Variants in MLLT10 observed in about 807,000 individuals in gnomAD.
The protein encoded by MLLT10 is MLLT10 histone lysine methyltransferase DOT1L cofactor, also known as protein AF-10.
In MLLT10, 30 loss-of-function variants were observed where a neutral mutation model predicts 129.1. The observed-to-expected ratio is 0.23, with a 90% confidence interval of 0.17 to 0.32. MLLT10 has a LOEUF of 0.32. Ranked by LOEUF, MLLT10 falls within the 10% of genes least tolerant of loss-of-function variation. The probability of loss-of-function intolerance (pLI) is 1.00; values close to 1 mark genes in which losing one functional copy is unlikely to be tolerated. For missense variants in MLLT10, 1,119 were observed against 1,268.3 expected, an observed-to-expected ratio of 0.88 and a Z score of 1.79; for synonymous variants, 490 against 446.4, an observed-to-expected ratio of 1.10 and a Z score of -1.23.
intron 8 of MLLT10, chr10:21,625,671 T>C (rs2046359855): frequency 1.3e-6 from 1 of 764,198 alleles, no homozygotes; most frequent in South Asian, 1.3e-5. Context: ...GTGTTTTCTT[T>C]AGTCTTATTC....
At chr10:21,551,311 T>C (rs1403022438) in intron 3 of MLLT10, among the ~76,000 whole-genome samples, 1 of 149,978 alleles carries the variant, frequency 6.7e-6, no homozygotes, top group African/African-American at 2.5e-5. Flanking sequence ...TTTTTTTTTT[T>C]TTTTTACATA....
At chr10:21,692,144 A>T (rs187852595) in intron 13 of MLLT10, among the ~76,000 whole-genome samples, 18 of 152,094 alleles carry the variant, frequency 1.2e-4, no homozygotes, top group African/African-American at 3.9e-4. Flanking sequence ...ACTGCACTCC[A>T]GCCTGGGTGA....
chr10:21,729,678 C>T (rs1378052190), intron 16 of MLLT10, among the ~76,000 whole-genome samples: 3 of 152,200 alleles, frequency 2.0e-5, no homozygotes, highest in African/African-American at 2.4e-5. Flanking sequence ...ACTAAAACTC[C>T]GTCCTGTTTC....
chr10:21,577,732 A>C (rs1336998736), intron 3 of MLLT10, among the ~76,000 whole-genome samples: 1 of 151,974 alleles, frequency 6.6e-6, no homozygotes, highest in African/African-American at 2.4e-5. Flanking sequence ...TAGCCTCCCA[A>C]AGTGCTGGGA....
intron 4 of MLLT10, among the ~76,000 whole-genome samples, chr10:21,588,159 C>T (rs1283840905): frequency 2.0e-5 from 3 of 152,174 alleles, no homozygotes; most frequent in South Asian, 2.1e-4. Context: ...CTCCACCTTC[C>T]GGGCTCAAGC....
Position 21,546,524 on chromosome 10 carries a change from C to T in MLLT10, c.240+7612C>T, listed in dbSNP as rs562999747. On this transcript the variant is annotated intron_variant, in intron 3 of 22. Coordinates refer to ENST00000307729, the MANE Select transcript of MLLT10 (RefSeq NM_001195626.3). ...GGTTCAAGCGATTCTCCTGCCTCAG[C>T]CTCCCGAGTAGCTGAGACTGCAGGC... 6.6e-5 allele frequency among the ~76,000 whole-genome samples: 10 copies of T among 151,902 alleles called. No individual in the cohort carries two copies. In the East Asian group the frequency reaches 1.7e-3, roughly 26 times the overall value.
chr10:21,557,183 C>T (rs2038141790), intron 3 of MLLT10: 1 of 1,308,898 alleles, frequency 7.6e-7, no homozygotes, highest in Admixed American at 3.7e-5. Context: ...TTCACTTCTT[C>T]AAATGCCTAC....
intron 8 of MLLT10, among the ~76,000 whole-genome samples, chr10:21,645,246 A>G (rs907630591): frequency 6.6e-6 from 1 of 152,134 alleles, no homozygotes; most frequent in African/African-American, 2.4e-5. Flanking sequence ...TAATGCATGA[A>G]TATCTGCCCC....
At chr10:21,690,137 G>C (rs1407129738) in intron 13 of MLLT10, among the ~76,000 whole-genome samples, 1 of 152,036 alleles carries the variant, frequency 6.6e-6, no homozygotes, top group Non-Finnish European at 1.5e-5. Context: ...GGGTAGAGAA[G>C]ACAGAAAGAG....
At chr10:21,674,327 C>G (rs2051833237) in intron 11 of MLLT10, among the ~76,000 whole-genome samples, 1 of 151,352 alleles carries the variant, frequency 6.6e-6, no homozygotes. Context: ...TTTCTCTAAA[C>G]TTCAATTTTA....
intron 5 of MLLT10, among the ~76,000 whole-genome samples, chr10:21,598,230 C>G (rs1044202578): frequency 2.6e-5 from 4 of 152,120 alleles, no homozygotes; most frequent in Admixed American, 2.6e-4. Flanking sequence ...GGGTCATATT[C>G]CACTAATGTC....
At chr10:21,661,493 C>T (rs2050199141) in intron 9 of MLLT10, 1 of 152,096 alleles carries the variant, frequency 6.6e-6, no homozygotes, top group African/African-American at 2.4e-5. Flanking sequence ...GTATTAACAC[C>T]TTTATCTTAT....
intron 3 of MLLT10, among the ~76,000 whole-genome samples, chr10:21,561,182 T>G (rs1254877614): frequency 6.6e-6 from 1 of 152,174 alleles, no homozygotes; most frequent in African/African-American, 2.4e-5. Context: ...TCAAATTTAG[T>G]GCAGTGAAGA....
At chr10:21,661,422 C>T (rs1564600152) in intron 9 of MLLT10, among the ~76,000 whole-genome samples, 1 of 152,150 alleles carries the variant, frequency 6.6e-6, no homozygotes, top group Admixed American at 6.6e-5. Flanking sequence ...GTTTTTGCTT[C>T]ATATATTTTG....
At chr10:21,683,560 G>A (rs1243969142) in intron 13 of MLLT10, among the ~76,000 whole-genome samples, 1 of 152,178 alleles carries the variant, frequency 6.6e-6, no homozygotes, top group Non-Finnish European at 1.5e-5. Context: ...TGGGAGCAAT[G>A]TAATGGATTT....
In MLLT10 at chr10:21,673,685, G is replaced by A; in HGVS notation, c.1387G>A (p.Val463Ile). 2 of 1,614,116 alleles carry A rather than the reference G, an allele frequency of 1.2e-6. No individual in the cohort carries two copies. The highest frequency in any genetic ancestry group is 8.5e-7 in the Non-Finnish European group (1 of 1,180,004). ...AACTTCTGGCATAGAAGAAGAAACT[G>A]TAAAGGAAAAGAAAAGGAAAGGAAA... ...AQTSGIEEETVKEKKRKGNKQ... is the reference protein window; with the variant it reads ...AQTSGIEEETIKEKKRKGNKQ... Residue 463 changes from valine to isoleucine, a missense_variant, in exon 11 of 23, where the codon GTA becomes ATA. By Grantham distance (29) the Val-to-Ile change is conservative. Around this residue, in one of 5 missense-constraint regions of MLLT10, gnomAD observed 1,004 missense variants for 1,008.7 expected, o/e 1.00. Coordinates refer to ENST00000307729, the MANE Select transcript of MLLT10 (RefSeq NM_001195626.3).
intron 13 of MLLT10, among the ~76,000 whole-genome samples, chr10:21,689,011 AC>A (rs2053566165): frequency 6.6e-6 from 1 of 152,182 alleles, no homozygotes. Flanking sequence ...ACTGTTAACC[AC>A]TTGAAGTATG....
At chr10:21,559,982 T>G (rs1401248571) in intron 3 of MLLT10, among the ~76,000 whole-genome samples, 3 of 152,098 alleles carry the variant, frequency 2.0e-5, no homozygotes, top group Non-Finnish European at 2.9e-5. Context: ...GGAATGAAGT[T>G]GCTGGATCAC....
chr10:21,590,277 A>G lies in MLLT10; in HGVS notation c.295+3929A>G, dbSNP rs368834280. Among the ~76,000 whole-genome samples, 33 of 151,466 alleles carry G rather than the reference A, an allele frequency of 2.2e-4. 1 individual carries two copies. The East Asian group carries it at 3.1e-3, about 14-fold the overall frequency. Reference sequence around the variant, plus strand: ...ACTTAAGTCAATTTTGGTGCGCTCTATTTTTCCAAGAAATTTAACTACTTT... The same window carrying G: ...ACTTAAGTCAATTTTGGTGCGCTCTGTTTTTCCAAGAAATTTAACTACTTT... On this transcript the variant is annotated intron_variant, in intron 4 of 22. Transcript: ENST00000307729.
Sources: gnomAD v4.1 joint callset for allele counts (sites outside exome capture counted in the v4.1 genomes callset) on GRCh38, gnomAD v4.1.1 for gene constraint, gnomAD v4.1.1 regional missense constraint, MANE v1.5 for transcripts, NCBI Gene and HGNC (gene_info 2026-07-23, HGNC 2026-07-21) for gene names.